The following SESN1 variants were observed in gnomAD, a reference collection of about 807,000 sequenced individuals.
SESN1 encodes the protein sestrin 1.
Under a neutral mutation model 59.3 loss-of-function variants are expected in SESN1, and 30 were observed. The ratio of observed to expected loss-of-function variants is 0.51; its 90% CI spans 0.38 to 0.69. The LOEUF (loss-of-function observed/expected upper bound fraction) is 0.69, where lower values mean the gene tolerates loss of function less well. Among genes scored for constraint, SESN1 ranks in the 30% least tolerant of loss-of-function variants. The pLI is 0.00. For missense variants in SESN1, 566 were observed against 673.0 expected (o/e 0.84, Z 1.76); for synonymous variants, 197 against 219.9 (o/e 0.90, Z 0.92).
chr6:109,048,105 A>T (rs55972042), intron 1 of SESN1, among the ~76,000 whole-genome samples: 26 of 64,164 alleles, frequency 4.1e-4, no homozygotes, highest in East Asian at 1.4e-3. Context: ...AAAATAAATT[A>T]AAAAAAAAAA....
chr6:108,987,647 A>T lies in SESN1; in HGVS notation c.1570-17T>A, dbSNP rs150599884. ...AACATGAACCTGAATATAAAATACA[A>T]CATCATATAAGGAAGGGTTACAAGC... is the stretch of plus-strand genomic sequence containing the variant. On this transcript the variant is annotated splice_polypyrimidine_tract_variant and intron_variant, in intron 9 of 9. Coordinates refer to ENST00000436639, the MANE Select transcript of SESN1 (RefSeq NM_014454.3). 6.6e-6 allele frequency: 9 copies of T among 1,362,030 alleles called. No individual in the cohort carries two copies. Among genetic ancestry groups the T allele is most frequent in the East Asian group, 4.6e-5 (2 of 43,762 alleles). 84.4% of individuals were successfully genotyped at this position (1,362,030 alleles called of 1,614,324 possible).
At chr6:109,009,443 G>T (rs1211704217) in intron 1 of SESN1, 3 of 1,362,856 alleles carry the variant, frequency 2.2e-6, no homozygotes, top group Non-Finnish European at 2.9e-6. Flanking sequence ...CCTCGTTCGC[G>T]GCGGCGGCCA....
intron 1 of SESN1, among the ~76,000 whole-genome samples, chr6:109,074,524 G>C (rs988804223): frequency 4.6e-5 from 7 of 151,902 alleles, no homozygotes; most frequent in African/African-American, 1.7e-4. Context: ...ATCATTTGTG[G>C]GTAGCTCTAC....
At chr6:108,993,632 T>G (rs1320639674) in intron 6 of SESN1, among the ~76,000 whole-genome samples, 1 of 152,198 alleles carries the variant, frequency 6.6e-6, no homozygotes, top group African/African-American at 2.4e-5. Flanking sequence ...TCCTTTAAAT[T>G]ACCTGGTTTA....
At chr6:109,036,438 C>A (rs2114404829) in intron 1 of SESN1, among the ~76,000 whole-genome samples, 1 of 152,180 alleles carries the variant, frequency 6.6e-6, no homozygotes, top group East Asian at 1.9e-4. Context: ...GATGGCATGG[C>A]ACTAATATTG....
At chr6:109,069,050 A>G (rs770093047) in intron 1 of SESN1, among the ~76,000 whole-genome samples, 1 of 152,112 alleles carries the variant, frequency 6.6e-6, no homozygotes, top group African/African-American at 2.4e-5. Flanking sequence ...GATAAATGAA[A>G]GCATCTTAAG....
chr6:109,048,542 T>C (rs12208578), intron 1 of SESN1, among the ~76,000 whole-genome samples: 14,024 of 152,178 alleles, frequency 0.092, 863 homozygotes, highest in Middle Eastern at 0.19. Flanking sequence ...AGAAGGGCCT[T>C]TACAAAATCT....
intron 1 of SESN1, among the ~76,000 whole-genome samples, chr6:109,041,964 T>A (rs1780349824): frequency 6.6e-6 from 1 of 152,278 alleles, no homozygotes. Flanking sequence ...TAAATTTGAA[T>A]ATATTTAAAA....
At chr6:109,000,819 A>T (rs1269455920) in intron 3 of SESN1, 146 bp from the exon 4 acceptor site, 21 of 574,818 alleles carry the variant, frequency 3.7e-5, no homozygotes, top group Non-Finnish European at 5.0e-5. Context: ...TTTTTATATA[A>T]ACATTTTAAA....
Position 109,027,613 on chromosome 6 carries a change from G to A in SESN1, c.280-25270C>T, listed in dbSNP as rs560475974. Among the ~76,000 whole-genome samples the A allele has an allele frequency of 1.9e-3, 291 of 150,438 alleles. 1 individual carries two copies. The highest frequency in any genetic ancestry group is 6.7e-3 in the African/African-American group (276 of 40,964). On this transcript the variant is annotated intron_variant, in intron 1 of 9. Transcript: ENST00000436639. Reference sequence around the variant, plus strand: ...GATTTTTTTCTCCCATGGGACATTTGATAATGTCTGCGTATATTTTCAATT... The same window carrying A: ...GATTTTTTTCTCCCATGGGACATTTAATAATGTCTGCGTATATTTTCAATT...
intron 1 of SESN1, among the ~76,000 whole-genome samples, chr6:109,063,589 G>C (rs758368689): frequency 3.3e-5 from 5 of 152,158 alleles, no homozygotes; most frequent in Non-Finnish European, 7.4e-5. Flanking sequence ...CTTGAATCCT[G>C]AGGTCTTCTC....
chr6:108,992,952 T>C (rs1038867365), intron 6 of SESN1, 53 bp from the exon 7 acceptor site: 1 of 1,194,996 alleles, frequency 8.4e-7, no homozygotes. Context: ...TAGTTAAAAT[T>C]GATTTTACCC....
At chr6:109,055,847 A>G (rs1780624659) in intron 1 of SESN1, among the ~76,000 whole-genome samples, 2 of 152,216 alleles carry the variant, frequency 1.3e-5, no homozygotes, top group Non-Finnish European at 2.9e-5. Flanking sequence ...CGTGATATAT[A>G]GTAGTTACTC....
rs576194034 is a variant in SESN1, at chr6:109,054,093, AG to A, written c.279+39701del. ...TTTTTTCTTAATTTTTTGGGGGGGG[AG>A]GGATCTGGGAAAAATTCCCTGAACA... On this transcript the variant is annotated intron_variant, in intron 1 of 9. Transcript: ENST00000436639. Among the ~76,000 whole-genome samples the A allele has an allele frequency of 7.1e-4, 107 of 149,958 alleles. 1 individual carries two copies. The highest frequency in any genetic ancestry group is 2.6e-3 in the African/African-American group (105 of 40,488).
rs142595039 is a variant in SESN1 at position 109,032,244 on chromosome 6, C to T, written c.280-29901G>A. Among the ~76,000 whole-genome samples the T allele has an allele frequency of 7.0e-3, 1,058 of 152,092 alleles. 10 individuals carry two copies. The highest frequency in any genetic ancestry group is 0.024 in the African/African-American group (991 of 41,460). On this transcript the variant is annotated intron_variant, in intron 1 of 9. Coordinates refer to ENST00000436639, the MANE Select transcript of SESN1 (RefSeq NM_014454.3). Reference sequence around the variant, plus strand: ...CTGAGATAATGCCATTGCACTCCAGCCTGGGCAACAAGAGCGAAACTCTGC... The same window carrying T: ...CTGAGATAATGCCATTGCACTCCAGTCTGGGCAACAAGAGCGAAACTCTGC...
chr6:109,090,287 T>C (rs376216536), intron 1 of SESN1, among the ~76,000 whole-genome samples: 2 of 152,120 alleles, frequency 1.3e-5, no homozygotes, highest in African/African-American at 4.8e-5. Context: ...CTGCGTAACA[T>C]TTCAGCTGAT....
At chr6:109,023,334 A>C (rs901165680) in intron 1 of SESN1, among the ~76,000 whole-genome samples, 4 of 152,194 alleles carry the variant, frequency 2.6e-5, no homozygotes, top group Non-Finnish European at 4.4e-5. Context: ...GTCTTCTCAA[A>C]TTTCATCTTC....
At chr6:109,087,306 T>A (rs762939512) in intron 1 of SESN1, among the ~76,000 whole-genome samples, 8 of 151,636 alleles carry the variant, frequency 5.3e-5, no homozygotes, top group Non-Finnish European at 7.4e-5. Context: ...CTCCTGTAAG[T>A]CAGAAAGTGA....
At chr6:109,042,306 G>A (rs1267103826) in intron 1 of SESN1, among the ~76,000 whole-genome samples, 1 of 151,564 alleles carries the variant, frequency 6.6e-6, no homozygotes, top group Non-Finnish European at 1.5e-5. Flanking sequence ...AGGGAAAGAA[G>A]AGCAGTATAA....
Sources: gnomAD v4.1 joint callset for allele counts (sites outside exome capture counted in the v4.1 genomes callset) on GRCh38, gnomAD v4.1.1 for gene constraint, MANE v1.5 for transcripts, NCBI Gene and HGNC (gene_info 2026-07-23, HGNC 2026-07-21) for gene names.